PCDHGA5: variants seen among roughly 807,000 people sequenced by gnomAD.
PCDHGA5 encodes the protein protocadherin gamma-A5.
PCDHGA5 carries 36 observed loss-of-function variants against 56.7 expected under a neutral mutation model. The observed-to-expected ratio is 0.64, with a 90% confidence interval of 0.49 to 0.84. The LOEUF is 0.84. Ranked by LOEUF, PCDHGA5 falls within the 40% of genes least tolerant of loss-of-function variation. The pLI is 0.00. For missense variants in PCDHGA5, 1,305 were observed against 1,201.5 expected, an observed-to-expected ratio of 1.09 and a Z score of -1.27; for synonymous variants, 563 against 520.2, an observed-to-expected ratio of 1.08 and a Z score of -1.12.
At chr5:141,464,044 C>T (rs898632465) in intron 1 of PCDHGA5, among the ~76,000 whole-genome samples, 1 of 152,086 alleles carries the variant, frequency 6.6e-6, no homozygotes, top group African/African-American at 2.4e-5. Context: ...GCGGGTGGAT[C>T]ACCTGAGGTC....
chr5:141,408,309 C>G, intron 1 of PCDHGA5: 1 of 1,613,816 alleles, frequency 6.2e-7, no homozygotes, highest in South Asian at 1.1e-5. Context: ...ATCCGCTACT[C>G]GATTCCGGAG....
intron 1 of PCDHGA5, chr5:141,404,146 A>G: frequency 1.2e-6 from 2 of 1,613,058 alleles, no homozygotes; most frequent in Non-Finnish European, 1.7e-6. Context: ...AAAATTCAGA[A>G]GAAGATTATT....
chr5:141,474,961 AATC>A (rs2099357151), intron 1 of PCDHGA5, among the ~76,000 whole-genome samples: 1 of 152,254 alleles, frequency 6.6e-6, no homozygotes, highest in African/African-American at 2.4e-5. Flanking sequence ...TCACTATCCT[AATC>A]ATTATAATTT....
chr5:141,366,730 CAAAG>C lies in PCDHGA5; in HGVS notation c.2403_2406del (p.Glu802AsnfsTer48). The C allele has an allele frequency of 1.9e-6, 3 of 1,613,020 alleles. No homozygotes were observed. Among genetic ancestry groups the C allele is most frequent in the Non-Finnish European group, 2.5e-6 (3 of 1,179,116 alleles). On this transcript the variant is annotated frameshift_variant, in exon 1 of 4. Transcript: ENST00000518069. LOFTEE classifies it high-confidence loss of function. ...TGATGTCTGATAAGGTAGATGCAAA[CAAAG>C]AAGAACGGCGAGTTCAGGTTAGTTT...
intron 1 of PCDHGA5, chr5:141,393,124 T>A: frequency 6.2e-7 from 1 of 1,613,430 alleles, no homozygotes; most frequent in Non-Finnish European, 8.5e-7. Flanking sequence ...CGGTGTCTGA[T>A]AAATATTAAC....
chr5:141,384,864 A>G (rs202180798), intron 1 of PCDHGA5: 3 of 1,613,702 alleles, frequency 1.9e-6, no homozygotes, highest in Non-Finnish European at 2.5e-6. Flanking sequence ...CTCCTCTGTC[A>G]GCCACCGTCA....
chr5:141,395,442 AG>A lies in PCDHGA5; in HGVS notation c.2421+28692del, dbSNP rs1446210907. Reference sequence around the variant, plus strand: ...CATTTGCTTTTAAACGACTTGGAAAAGATTGTTCAACCATTTTAAGCCTTCC... The same window carrying A: ...CATTTGCTTTTAAACGACTTGGAAAAATTGTTCAACCATTTTAAGCCTTCC... On this transcript the variant is annotated intron_variant, in intron 1 of 3. Coordinates refer to ENST00000518069, the MANE Select transcript of PCDHGA5 (RefSeq NM_018918.3). 4 of 667,514 alleles carry A rather than the reference AG, an allele frequency of 6.0e-6. No homozygotes were observed. The East Asian group carries it at 1.2e-4, about 20-fold the overall frequency. 41.3% of individuals were successfully genotyped at this position (667,514 alleles called of 1,614,324 possible).
Position 141,477,071 on chromosome 5 carries a change from G to T in PCDHGA5, c.2422-17736G>T. 6.2e-7 allele frequency: 1 copy of T among 1,614,226 alleles called. No individual in the cohort carries two copies. The highest frequency in any genetic ancestry group is 8.5e-7 in the Non-Finnish European group (1 of 1,180,030). ...GGACTTCGAGGACACCAAACTCCAT[G>T]AGATTTACATCCAGGCCAAAGACAA... is the stretch of plus-strand genomic sequence containing the variant. On this transcript the variant is annotated intron_variant, in intron 1 of 3. Coordinates refer to ENST00000518069, the MANE Select transcript of PCDHGA5 (RefSeq NM_018918.3). This position sits in a 1 kb window ranked among gnomAD's most constrained non-coding sequence, Gnocchi z 4.9.
chr5:141,393,508 T>C, intron 1 of PCDHGA5: 1 of 1,614,010 alleles, frequency 6.2e-7, no homozygotes, highest in Non-Finnish European at 8.5e-7. Context: ...CACGTGACAG[T>C]GTTGGATACA....
At position 141,431,747 on chromosome 5, in the gene PCDHGA5, C is replaced by T. The variant is rs371020840; in HGVS notation, c.2422-63060C>T. The T allele has an allele frequency of 5.0e-6, 8 of 1,614,064 alleles. No individual in the cohort carries two copies. In the Admixed American group the frequency reaches 5.0e-5, roughly 10 times the overall value. On this transcript the variant is annotated intron_variant, in intron 1 of 3. Transcript: ENST00000518069. This position sits in a 1 kb window ranked among gnomAD's most constrained non-coding sequence, Gnocchi z 4.8. ...AATGGATAATGCAGGATATTCTGCG[C>T]GAGCCAAAGTCCTGATCACTGTTCT...
chr5:141,389,675 A>C, intron 1 of PCDHGA5: 1 of 1,612,412 alleles, frequency 6.2e-7, no homozygotes, highest in Non-Finnish European at 8.5e-7. Flanking sequence ...CAGACTCAGG[A>C]CACAACGCCT....
At chr5:141,484,054 G>A (rs1192214731) in intron 1 of PCDHGA5, among the ~76,000 whole-genome samples, 4 of 152,044 alleles carry the variant, frequency 2.6e-5, no homozygotes, top group African/African-American at 9.7e-5. Flanking sequence ...AGGTCCCCTG[G>A]GGCTAAGTGA....
intron 1 of PCDHGA5, chr5:141,415,743 T>G (rs1317934891): frequency 9.6e-6 from 3 of 311,420 alleles, no homozygotes; most frequent in Non-Finnish European, 1.2e-5. Context: ...TATTAAGGTT[T>G]TTTTTTTTTT....
intron 1 of PCDHGA5, chr5:141,428,035 A>C (rs776717344): frequency 6.2e-7 from 1 of 1,607,926 alleles, no homozygotes; most frequent in Non-Finnish European, 8.5e-7. Context: ...GAGTCCGGCT[A>C]CCTGGTGACC....
chr5:141,428,120 C>G (rs756805763), intron 1 of PCDHGA5: 2 of 1,606,528 alleles, frequency 1.2e-6, no homozygotes, highest in South Asian at 1.1e-5. Context: ...CCATCGAGCC[C>G]GGGCTTTTCA....
chr5:141,403,315 A>C, intron 1 of PCDHGA5: 1 of 1,613,974 alleles, frequency 6.2e-7, no homozygotes, highest in African/African-American at 1.3e-5. Flanking sequence ...GAATAGAAAT[A>C]GAAGTAACTG....
intron 1 of PCDHGA5, among the ~76,000 whole-genome samples, chr5:141,492,920 G>A (rs2099745093): frequency 6.6e-6 from 1 of 152,198 alleles, no homozygotes; most frequent in African/African-American, 2.4e-5. Context: ...TGTGCCCAGC[G>A]ATCTAGGGTC....
At chr5:141,412,204 T>G (rs2095542280) in intron 1 of PCDHGA5, 1 of 152,240 alleles carries the variant, frequency 6.6e-6, no homozygotes, top group Admixed American at 6.5e-5. Context: ...ACAGGTCATT[T>G]GACATAAACA....
intron 1 of PCDHGA5, among the ~76,000 whole-genome samples, chr5:141,443,466 A>G (rs1402303157): frequency 6.6e-6 from 1 of 152,184 alleles, no homozygotes; most frequent in East Asian, 1.9e-4. Flanking sequence ...AGTCTGGGTG[A>G]CAGAATTAGA....
Sources: gnomAD v4.1 joint callset for allele counts (sites outside exome capture counted in the v4.1 genomes callset) on GRCh38, gnomAD v4.1.1 for gene constraint, Gnocchi (gnomAD v3.1) non-coding constraint, MANE v1.5 for transcripts, NCBI Gene and HGNC (gene_info 2026-07-23, HGNC 2026-07-21) for gene names.